GRID2: variants seen among roughly 807,000 people sequenced by gnomAD.
GRID2 encodes glutamate receptor ionotropic, delta-2.
In GRID2, 33 loss-of-function variants were observed where a neutral mutation model predicts 114.8. The ratio of observed to expected loss-of-function variants is 0.29; its 90% CI spans 0.22 to 0.38. The LOEUF (loss-of-function observed/expected upper bound fraction) is 0.38. GRID2 is among the 10% of genes least tolerant of loss of function. The probability of loss-of-function intolerance (pLI) is 1.00; values close to 1 mark genes in which losing one functional copy is unlikely to be tolerated. For synonymous variants in GRID2, 505 were observed against 449.9 expected (o/e 1.12, Z -1.55); for missense variants, 1,184 against 1,257.7 (o/e 0.94, Z 0.89).
At chr4:93,401,939 T>TA (rs58860478) in intron 9 of GRID2, among the ~76,000 whole-genome samples, 3 of 147,628 alleles carry the variant, frequency 2.0e-5, no homozygotes, top group Non-Finnish European at 4.5e-5. Context: ...TTTTTTTTTT[T>TA]ATGGAGATTG....
rs577815391 is a variant in GRID2, at chr4:93,751,488, T to G, written c.2361-17722T>G. On this transcript the variant is annotated intron_variant, in intron 14 of 15. Coordinates refer to ENST00000282020, the MANE Select transcript of GRID2 (RefSeq NM_001510.4). ...ATGGGTCTCCCACAGTTCCAGGCAG[T>G]TTCTGGTTCTTGGGGGGAAATGCTC... Among the ~76,000 whole-genome samples, 35 of 152,170 alleles carry G rather than the reference T, an allele frequency of 2.3e-4. No individual in the cohort carries two copies. In the South Asian group the frequency reaches 6.6e-3, roughly 29 times the overall value.
At chr4:92,740,690 TGA>T (rs758187163) in intron 2 of GRID2, among the ~76,000 whole-genome samples, 5 of 121,312 alleles carry the variant, frequency 4.1e-5, no homozygotes, top group South Asian at 3.0e-4. Flanking sequence ...GATAGATAGA[TGA>T]TAGATAGATA....
intron 8 of GRID2, among the ~76,000 whole-genome samples, chr4:93,334,395 G>T (rs752418729): frequency 6.6e-6 from 1 of 151,468 alleles, no homozygotes; most frequent in Non-Finnish European, 1.5e-5. Flanking sequence ...AAAAACCGTC[G>T]CACTTTTTGT....
At chr4:93,022,578 T>G (rs893473692) in intron 2 of GRID2, among the ~76,000 whole-genome samples, 1 of 152,032 alleles carries the variant, frequency 6.6e-6, no homozygotes, top group Non-Finnish European at 1.5e-5. Context: ...CATTTTGAAT[T>G]TTAACAGGTA....
At chr4:93,187,659 G>A (rs951719915) in intron 4 of GRID2, among the ~76,000 whole-genome samples, 36 of 152,272 alleles carry the variant, frequency 2.4e-4, no homozygotes, top group Admixed American at 2.1e-3. Flanking sequence ...AATCAGATAT[G>A]GGTGTGACTC....
chr4:92,842,177 A>C (rs1172582474), intron 2 of GRID2, among the ~76,000 whole-genome samples: 2 of 152,134 alleles, frequency 1.3e-5, no homozygotes, highest in African/African-American at 4.8e-5. Flanking sequence ...AACAGCATGC[A>C]TTAGGGTTTT....
chr4:93,220,192 C>A (rs1036257021), intron 6 of GRID2, among the ~76,000 whole-genome samples: 7 of 151,918 alleles, frequency 4.6e-5, no homozygotes, highest in African/African-American at 7.2e-5. Flanking sequence ...TCAGATAAGA[C>A]AACAGGGCTT....
chr4:93,488,528 A>G (rs977866983), intron 11 of GRID2, among the ~76,000 whole-genome samples: 1 of 151,974 alleles, frequency 6.6e-6, no homozygotes. Flanking sequence ...TCATTCACGT[A>G]TTGATAGAAC....
At chr4:93,710,856 G>A (rs1187439434) in intron 14 of GRID2, among the ~76,000 whole-genome samples, 1 of 151,848 alleles carries the variant, frequency 6.6e-6, no homozygotes. Context: ...TCTCCCCATG[G>A]CCACCACTGC....
At chr4:92,538,977 G>C (rs369106564) in intron 1 of GRID2, among the ~76,000 whole-genome samples, 4 of 150,714 alleles carry the variant, frequency 2.7e-5, no homozygotes, top group African/African-American at 9.8e-5. Context: ...GGGAGGCGCA[G>C]CTTGCAGTGA....
At chr4:93,629,863 A>T (rs1293292622) in intron 14 of GRID2, among the ~76,000 whole-genome samples, 3 of 152,178 alleles carry the variant, frequency 2.0e-5, no homozygotes, top group African/African-American at 7.2e-5. Flanking sequence ...TATATATTTC[A>T]TAGGCACTTT....
intron 2 of GRID2, among the ~76,000 whole-genome samples, chr4:93,000,552 C>G (rs1015167074): frequency 2.0e-5 from 3 of 151,538 alleles, no homozygotes; most frequent in Non-Finnish European, 4.4e-5. Context: ...AGCATAGTAA[C>G]TTATAAAAAA....
intron 8 of GRID2, chr4:93,319,564 A>C (rs1311674680): frequency 2.0e-5 from 3 of 152,112 alleles, no homozygotes; most frequent in Non-Finnish European, 2.9e-5. Flanking sequence ...AGGTGACTTT[A>C]AAATAGGAAG....
chr4:92,419,523 G>A (rs1047123323), intron 1 of GRID2, among the ~76,000 whole-genome samples: 1 of 152,072 alleles, frequency 6.6e-6, no homozygotes. Flanking sequence ...TTTAGAAAAT[G>A]GTAAGAAGCC....
In GRID2 at chr4:92,646,960, A is replaced by G. The variant is rs552869152; in HGVS notation, c.244+56674A>G. Among the ~76,000 whole-genome samples the G allele has an allele frequency of 2.0e-5, 3 of 151,740 alleles. No individual in the cohort carries two copies. The East Asian group carries it at 5.8e-4, about 30-fold the overall frequency. On this transcript the variant is annotated intron_variant, in intron 2 of 15. Coordinates refer to ENST00000282020, the MANE Select transcript of GRID2 (RefSeq NM_001510.4). ...TATCAGGTGTTGTACTTGGATTTAG[A>G]CATTTTGGAAAGTATCCAACTGTTT...
At chr4:92,654,495 G>T (rs554786350) in intron 2 of GRID2, among the ~76,000 whole-genome samples, 17 of 152,150 alleles carry the variant, frequency 1.1e-4, no homozygotes, top group Admixed American at 3.3e-4. Flanking sequence ...AAGGTGACAA[G>T]TAGTTATGTA....
intron 2 of GRID2, among the ~76,000 whole-genome samples, chr4:92,747,224 TAAAA>T (rs201676662): frequency 6.6e-6 from 1 of 151,996 alleles, no homozygotes; most frequent in African/African-American, 2.4e-5. Flanking sequence ...TAATTATTTA[TAAAA>T]AAAGATATAT....
At chr4:93,406,549 C>G (rs1766441271) in intron 9 of GRID2, among the ~76,000 whole-genome samples, 1 of 151,980 alleles carries the variant, frequency 6.6e-6, no homozygotes, top group Non-Finnish European at 1.5e-5. Flanking sequence ...CAAGTGTGGG[C>G]AAAGAATGAC....
chr4:92,414,903 T>G (rs1474169255), intron 1 of GRID2, among the ~76,000 whole-genome samples: 1 of 152,154 alleles, frequency 6.6e-6, no homozygotes, highest in Non-Finnish European at 1.5e-5. Flanking sequence ...CTGATTATAT[T>G]GCAGTGGAAA....
Sources: gnomAD v4.1 joint callset for allele counts (sites outside exome capture counted in the v4.1 genomes callset) on GRCh38, gnomAD v4.1.1 for gene constraint, MANE v1.5 for transcripts, NCBI Gene and HGNC (gene_info 2026-07-23, HGNC 2026-07-21) for gene names.